ANK2: variants seen among roughly 807,000 people sequenced by gnomAD.
ANK2 encodes ankyrin-2.
Under a neutral mutation model 360.5 loss-of-function variants are expected in ANK2, and 83 were observed. The observed-to-expected ratio is 0.23, with a 90% CI of 0.19 to 0.28. The LOEUF (loss-of-function observed/expected upper bound fraction) is 0.28. Ranked by LOEUF, ANK2 falls within the 10% of genes least tolerant of loss-of-function variation. The pLI is 1.00. For synonymous variants in ANK2, 1,740 were observed against 1,759.5 expected (o/e 0.99, Z 0.28); for missense variants, 4,201 against 4,795.7 (o/e 0.88, Z 3.66).
intron 1 of ANK2, among the ~76,000 whole-genome samples, chr4:113,052,443 C>G (rs1213939378): frequency 6.6e-6 from 1 of 152,150 alleles, no homozygotes; most frequent in East Asian, 1.9e-4. Flanking sequence ...ATGCGTCTAT[C>G]TCTAGTAAAT....
At chr4:112,710,976 G>C in the ANK2 span, among the ~76,000 whole-genome samples, 1,344 of 147,630 alleles carry the variant, frequency 9.1e-3, 20 homozygotes, top group African/African-American at 0.032. Context: ...TATAAATAGA[G>C]GTGATATTTT....
chr4:112,708,976 A>G, the ANK2 span, among the ~76,000 whole-genome samples: 1 of 152,202 alleles, frequency 6.6e-6, no homozygotes, highest in Non-Finnish European at 1.5e-5. Context: ...GTAGCATGAA[A>G]TATCTAAAGT....
chr4:112,804,260 T>C, the ANK2 span, among the ~76,000 whole-genome samples: 1 of 152,188 alleles, frequency 6.6e-6, no homozygotes, highest in Admixed American at 6.5e-5. Flanking sequence ...GACCTTGTGA[T>C]CTGCGCACCT....
intron 1 of ANK2, among the ~76,000 whole-genome samples, chr4:112,836,051 G>T (rs747625562): frequency 6.6e-6 from 1 of 152,100 alleles, no homozygotes; most frequent in Non-Finnish European, 1.5e-5. Context: ...ATCCTGGGAG[G>T]CTGATATGGT....
At chr4:113,168,164 T>G (rs2097818058) in intron 1 of ANK2, among the ~76,000 whole-genome samples, 3 of 152,200 alleles carry the variant, frequency 2.0e-5, no homozygotes, top group Admixed American at 6.5e-5. Context: ...TAGCAAAAAT[T>G]AGTGTTAAAA....
At position 113,298,233 on chromosome 4, in the gene ANK2, A is replaced by C. The variant is rs190944813; in HGVS notation, c.2476-4534A>C. Among the ~76,000 whole-genome samples, 197 of 152,306 alleles carry C rather than the reference A, an allele frequency of 1.3e-3. 2 individuals are homozygous for C. The highest frequency in any genetic ancestry group is 4.7e-3 in the African/African-American group (194 of 41,562). On this transcript the variant is annotated intron_variant, in intron 22 of 45. Coordinates refer to ENST00000357077, the MANE Select transcript of ANK2 (RefSeq NM_001148.6). Reference sequence around the variant, plus strand: ...CTACCCTAGTTTTTCTAGAAAAAAAACAGTATTTACATAATATTTAATTTA... The same window carrying C: ...CTACCCTAGTTTTTCTAGAAAAAAACCAGTATTTACATAATATTTAATTTA...
intron 2 of ANK2, among the ~76,000 whole-genome samples, chr4:113,037,821 T>C (rs1489066356): frequency 6.6e-6 from 1 of 151,982 alleles, no homozygotes; most frequent in East Asian, 1.9e-4. Context: ...TTATCAGTTA[T>C]ATAGGTTTTG....
At chr4:113,048,901 G>A (rs552118219), upstream of ANK2, among the ~76,000 whole-genome samples, 3 of 144,720 alleles carry the variant, frequency 2.1e-5, no homozygotes, top group Non-Finnish European at 4.5e-5. Context: ...GGGAAATTCA[G>A]TTCTCCCCCT....
chr4:113,090,707 G>T (rs1008586455), intron 1 of ANK2, among the ~76,000 whole-genome samples: 1 of 152,188 alleles, frequency 6.6e-6, no homozygotes, highest in Admixed American at 6.5e-5. Context: ...AAGATTTTAT[G>T]TAAAAGTCTT....
chr4:112,877,476 A>C (rs112417880), intron 1 of ANK2, among the ~76,000 whole-genome samples: 1 of 152,258 alleles, frequency 6.6e-6, no homozygotes, highest in South Asian at 2.1e-4. Flanking sequence ...CAGCCTCTCA[A>C]AGTGCTGGGA....
At chr4:113,324,518 A>C (rs1380672208) in intron 26 of ANK2, among the ~76,000 whole-genome samples, 1 of 152,208 alleles carries the variant, frequency 6.6e-6, no homozygotes, top group Non-Finnish European at 1.5e-5. Context: ...TTTTATATAC[A>C]TCCTTATACT....
chr4:112,712,205 G>A, the ANK2 span, among the ~76,000 whole-genome samples: 3 of 149,054 alleles, frequency 2.0e-5, no homozygotes, highest in Non-Finnish European at 4.5e-5. Context: ...TCAGACTCCC[G>A]AGTAGCTGGG....
At chr4:113,230,401 G>A (rs538802653) in intron 4 of ANK2, among the ~76,000 whole-genome samples, 2 of 152,018 alleles carry the variant, frequency 1.3e-5, no homozygotes, top group African/African-American at 2.4e-5. Context: ...TGTAGTCCCA[G>A]CTACTCGGGA....
At chr4:113,240,295 ATATT>A (rs2039071125) in intron 7 of ANK2, among the ~76,000 whole-genome samples, 186 bp from the exon 8 acceptor site, 2 of 152,190 alleles carry the variant, frequency 1.3e-5, no homozygotes, top group African/African-American at 2.4e-5. Flanking sequence ...TAAATGTAGA[ATATT>A]TATTTACTTT....
intron 1 of ANK2, among the ~76,000 whole-genome samples, chr4:113,061,263 T>A (rs2073197918): frequency 6.6e-6 from 1 of 152,064 alleles, no homozygotes; most frequent in Admixed American, 6.6e-5. Context: ...GTTGGGGAAC[T>A]TACACTTACT....
chr4:113,313,451 A>G (rs556386206), intron 24 of ANK2, among the ~76,000 whole-genome samples: 1 of 152,322 alleles, frequency 6.6e-6, no homozygotes, highest in Admixed American at 6.5e-5. Flanking sequence ...TTTTCAGCAC[A>G]TAAGGTCAGG....
intron 34 of ANK2, among the ~76,000 whole-genome samples, chr4:113,345,631 TC>T (rs2094759764): frequency 6.6e-6 from 1 of 152,188 alleles, no homozygotes; most frequent in Admixed American, 6.5e-5. Flanking sequence ...GCTAATCATT[TC>T]ACAATGTATA....
chr4:113,070,914 G>A (rs565604886), intron 1 of ANK2, among the ~76,000 whole-genome samples: 2 of 151,736 alleles, frequency 1.3e-5, no homozygotes, highest in Non-Finnish European at 2.9e-5. Flanking sequence ...GTGTTTAGTT[G>A]CTTAGTAAAT....
At chr4:113,199,731 C>T (rs897962179) in intron 4 of ANK2, among the ~76,000 whole-genome samples, 20 of 151,908 alleles carry the variant, frequency 1.3e-4, no homozygotes, top group Admixed American at 9.8e-4. Context: ...ATATCATGTA[C>T]GCATGTGGGG....
Sources: allele counts gnomAD v4.1 joint callset (sites outside exome capture counted in the v4.1 genomes callset), GRCh38; gene constraint gnomAD v4.1.1; transcripts MANE v1.5; gene names NCBI Gene and HGNC (gene_info 2026-07-23, HGNC 2026-07-21).